The following MLIP variants were observed in gnomAD, a reference collection of about 807,000 sequenced individuals.
The protein encoded by MLIP is muscular LMNA interacting protein.
A neutral mutation model predicts 84.8 loss-of-function variants in MLIP; 79 were observed. That is an observed-to-expected ratio of 0.93 (90% CI 0.78 to 1.12). The LOEUF (loss-of-function observed/expected upper bound fraction) is 1.12. Among genes scored for constraint, MLIP ranks in the 50% most tolerant of loss-of-function variants. The pLI is 0.00. For missense variants in MLIP, 1,257 were observed against 1,160.6 expected, an observed-to-expected ratio of 1.08 and a Z score of -1.21; for synonymous variants, 504 against 463.0, an observed-to-expected ratio of 1.09 and a Z score of -1.14.
chr6:54,169,588 A>C lies in MLIP; in HGVS notation c.2544+16A>C. 2 of 1,565,866 alleles carry C rather than the reference A, an allele frequency of 1.3e-6. No homozygotes were observed. The highest frequency in any genetic ancestry group is 1.2e-5 in the South Asian group (1 of 84,470). On this transcript the variant is annotated intron_variant, in intron 9 of 13. Coordinates refer to ENST00000502396, the MANE Select transcript of MLIP (RefSeq NM_001281747.2). ...AACCAAATATGTAAGTACCTTTATA[A>C]TTATACACACTGCTTTTCAAATGGG...
intron 8 of MLIP, among the ~76,000 whole-genome samples, chr6:54,161,121 T>C (rs150541680): frequency 4.6e-5 from 7 of 152,032 alleles, no homozygotes; most frequent in African/African-American, 1.7e-4. Flanking sequence ...TACATTGATG[T>C]TTAGAATGTA....
intron 1 of MLIP, among the ~76,000 whole-genome samples, chr6:54,026,820 T>C (rs1195698638): frequency 6.6e-6 from 1 of 152,098 alleles, no homozygotes; most frequent in East Asian, 1.9e-4. Flanking sequence ...GAGGAGCATG[T>C]TAGATCTGAT....
intron 12 of MLIP, among the ~76,000 whole-genome samples, chr6:54,256,315 T>C (rs959876048): frequency 3.9e-5 from 6 of 152,272 alleles, no homozygotes; most frequent in South Asian, 2.1e-4. Context: ...AGTCTTCCCC[T>C]GGGTAGGCTA....
chr6:54,129,836 A>C (rs562626), intron 3 of MLIP, among the ~76,000 whole-genome samples: 1 of 151,986 alleles, frequency 6.6e-6, no homozygotes, highest in South Asian at 2.1e-4. Flanking sequence ...AATAGGTGAG[A>C]GGTGACTAAG....
chr6:54,225,442 G>A (rs948318066), intron 11 of MLIP, among the ~76,000 whole-genome samples: 2 of 152,154 alleles, frequency 1.3e-5, no homozygotes, highest in Non-Finnish European at 2.9e-5. Flanking sequence ...TATGCAGTTC[G>A]TTGTTGGCTG....
At chr6:54,209,269 A>T (rs1016420723) in intron 11 of MLIP, among the ~76,000 whole-genome samples, 35 of 152,326 alleles carry the variant, frequency 2.3e-4, no homozygotes, top group African/African-American at 7.7e-4. Context: ...TATCTTAAAA[A>T]AAGCAATTTA....
chr6:54,087,052 T>C (rs1767541402), intron 1 of MLIP, among the ~76,000 whole-genome samples: 1 of 152,214 alleles, frequency 6.6e-6, no homozygotes, highest in Non-Finnish European at 1.5e-5. Flanking sequence ...AGGGATTTTT[T>C]TGTGTTCAGC....
At chr6:54,258,980 A>G (rs114222193) in intron 13 of MLIP, among the ~76,000 whole-genome samples, 6,582 of 151,034 alleles carry the variant, frequency 0.044, 455 homozygotes, top group African/African-American at 0.15. Context: ...TTAAATTTAT[A>G]TTTCTATCTA....
intron 3 of MLIP, among the ~76,000 whole-genome samples, chr6:54,128,243 G>C (rs1012490260): frequency 6.6e-6 from 1 of 152,102 alleles, no homozygotes; most frequent in Non-Finnish European, 1.5e-5. Flanking sequence ...CTAGAAAGAA[G>C]TTGGAAGTAT....
chr6:54,258,734 TA>T (rs1239986081), intron 13 of MLIP, among the ~76,000 whole-genome samples: 4 of 152,030 alleles, frequency 2.6e-5, no homozygotes, highest in Admixed American at 6.6e-5. Context: ...AAAACATTCT[TA>T]AGTTAACTAC....
chr6:54,117,975 A>G (rs796676785), intron 1 of MLIP, among the ~76,000 whole-genome samples: 26 of 148,658 alleles, frequency 1.7e-4, no homozygotes, highest in African/African-American at 6.0e-4. Context: ...AACAGCAACA[A>G]CAACAACAAC....
chr6:54,145,289 G>T (rs1320524592), intron 4 of MLIP, among the ~76,000 whole-genome samples: 2 of 152,142 alleles, frequency 1.3e-5, no homozygotes, highest in Non-Finnish European at 2.9e-5. Context: ...ATGCTTAAGA[G>T]GAGGTGTGTT....
At chr6:54,115,268 C>G (rs902813141) in intron 1 of MLIP, among the ~76,000 whole-genome samples, 2 of 152,080 alleles carry the variant, frequency 1.3e-5, no homozygotes, top group African/African-American at 2.4e-5. Flanking sequence ...CTGTAATGTA[C>G]TCAAACAGGA....
chr6:54,235,442 C>T (rs555832966), intron 12 of MLIP, among the ~76,000 whole-genome samples: 1 of 152,244 alleles, frequency 6.6e-6, no homozygotes, highest in Admixed American at 6.5e-5. Flanking sequence ...TTGTTTTCTC[C>T]TTTCAATTTC....
intron 1 of MLIP, chr6:54,046,883 A>G (rs1765090378): frequency 6.6e-6 from 1 of 152,194 alleles, no homozygotes; most frequent in African/African-American, 2.4e-5. Context: ...GGAGAAAAGT[A>G]ATAGCAAATG....
chr6:54,209,836 GACACTGT>G (rs1480975669), intron 11 of MLIP, among the ~76,000 whole-genome samples: 2 of 151,724 alleles, frequency 1.3e-5, no homozygotes, highest in African/African-American at 2.4e-5. Context: ...TAGAGATACA[GACACTGT>G]ACTTACTTTT....
chr6:54,171,944 T>C (rs1775810771), intron 9 of MLIP, among the ~76,000 whole-genome samples: 1 of 151,578 alleles, frequency 6.6e-6, no homozygotes, highest in Non-Finnish European at 1.5e-5. Context: ...ATCTTCAGAG[T>C]ATATAACTGC....
chr6:54,201,803 T>C (rs1394011275), intron 10 of MLIP, among the ~76,000 whole-genome samples: 1 of 152,184 alleles, frequency 6.6e-6, no homozygotes, highest in African/African-American at 2.4e-5. Context: ...CAATAAATAC[T>C]TAGCAAATGA....
chr6:54,179,132 T>G (rs1436664182), intron 9 of MLIP, among the ~76,000 whole-genome samples: 1 of 152,200 alleles, frequency 6.6e-6, no homozygotes, highest in Non-Finnish European at 1.5e-5. Context: ...GAACTGACCC[T>G]TTTATCATTA....
Sources: allele counts gnomAD v4.1 joint callset (sites outside exome capture counted in the v4.1 genomes callset), GRCh38; gene constraint gnomAD v4.1.1; transcripts MANE v1.5; gene names NCBI Gene and HGNC (gene_info 2026-07-23, HGNC 2026-07-21).